Variants in USF1 observed in about 807,000 individuals in gnomAD.
The protein encoded by USF1 is upstream stimulatory factor 1.
A neutral mutation model predicts 46.3 loss-of-function variants in USF1; 22 were observed. The observed-to-expected ratio is 0.47, with a 90% CI of 0.34 to 0.68. USF1 has a LOEUF of 0.68. USF1 is among the 30% of genes least tolerant of loss of function. The pLI, the probability that USF1 is intolerant of heterozygous loss-of-function variation, is 0.01. For missense variants in USF1, 287 were observed against 399.3 expected, an observed-to-expected ratio of 0.72 and a Z score of 2.40; for synonymous variants, 150 against 147.0, an observed-to-expected ratio of 1.02 and a Z score of -0.15.
At chr1:161,041,880 A>G in intron 5 of USF1, 34 bp from the exon 6 acceptor site, 1 of 1,593,108 alleles carries the variant, frequency 6.3e-7, no homozygotes, top group Non-Finnish European at 8.6e-7. Context: ...GATTCTGGTA[A>G]CAGTCAAAAA....
intron 5 of USF1, 40 bp downstream of exon 5, chr1:161,042,076 T>C: frequency 6.4e-7 from 1 of 1,573,958 alleles, no homozygotes. Flanking sequence ...TCATCTTACT[T>C]CTCAGAACTC....
Position 161,040,214 on chromosome 1 carries a change from C to G in USF1, c.831G>C (p.Val277=), listed in dbSNP as rs762396920. ...GLDQLQLDND[V]LRQQVEDLKN... is the part of the protein sequence containing the mutation. ...GTAGGAGTCTGACCTGTTGTCGAAG[C>G]ACGTCATTGTCCAGCTGCAGTTGGT... The change falls in exon 10 of 11, where the codon GTG becomes GTC. Residue 277 remains valine, a synonymous_variant. Transcript: ENST00000368021. This position sits in a 1 kb window ranked among gnomAD's most constrained non-coding sequence, Gnocchi z 4.0. 2 of 1,614,028 alleles carry G rather than the reference C, an allele frequency of 1.2e-6. No individual in the cohort carries two copies. Among genetic ancestry groups the G allele is most frequent in the African/African-American group, 2.7e-5 (2 of 74,910 alleles).
In USF1 at chr1:161,045,975, G is replaced by A. The variant is rs1183745761; in HGVS notation, c.-203C>T. ...CCAGCCCGCGGCCATGTTGGTGAGG[G>A]GCGGAAGTGTCGCTCTCGCCCCGCC... On this transcript the variant is annotated 5_prime_UTR_variant, in exon 1 of 11. Coordinates refer to ENST00000368021, the MANE Select transcript of USF1 (RefSeq NM_007122.5). The A allele has an allele frequency of 6.6e-6, 1 of 152,282 alleles. No individual in the cohort carries two copies. Among genetic ancestry groups the A allele is most frequent in the Non-Finnish European group, 1.5e-5 (1 of 68,080 alleles). The allele number at this position is 152,282 out of a possible 1,614,324, so 9.4% of individuals were successfully genotyped here.
intron 2 of USF1, 96 bp from the exon 3 acceptor site, chr1:161,042,978 C>A (rs1650637355): frequency 7.8e-6 from 12 of 1,544,304 alleles, no homozygotes; most frequent in Admixed American, 5.0e-5. Flanking sequence ...CATTGGCATT[C>A]CCAACAGAAG....
intron 5 of USF1, 104 bp from the exon 6 acceptor site, chr1:161,041,950 A>C: frequency 2.2e-6 from 2 of 911,926 alleles, no homozygotes; most frequent in Non-Finnish European, 3.1e-6. Flanking sequence ...TAGGGTGGAG[A>C]GAGAGAGAGA....
intron 1 of USF1, among the ~76,000 whole-genome samples, chr1:161,044,132 G>A (rs1650698583): frequency 6.6e-6 from 1 of 151,870 alleles, no homozygotes; most frequent in African/African-American, 2.4e-5. Flanking sequence ...CAGTAGAGAT[G>A]GGGTTTTACC....
intron 1 of USF1, among the ~76,000 whole-genome samples, chr1:161,044,010 A>G (rs1650694126): frequency 2.1e-5 from 3 of 142,804 alleles, no homozygotes; most frequent in South Asian, 4.4e-4. Flanking sequence ...CAGTGGCACA[A>G]TCTCGGCTTA....
intron 1 of USF1, among the ~76,000 whole-genome samples, chr1:161,044,608 C>T (rs1650719751): frequency 1.3e-5 from 2 of 152,138 alleles, no homozygotes; most frequent in South Asian, 2.1e-4. Flanking sequence ...TTTTATTCAT[C>T]AAGCCTTCCT....
In USF1 at chr1:161,040,909, C is replaced by T; in HGVS notation, c.561-37G>A. The stretch of plus-strand genomic sequence containing the variant: ...GCCCAGGGTGGCCAGAGTAAGAAGA[C>T]AAAATACATGATTGAAGTTTGGGGT... On this transcript the variant is annotated intron_variant, in intron 7 of 10. Transcript: ENST00000368021. The surrounding 1 kb of genome is among the most constrained non-coding windows in gnomAD (Gnocchi z 4.0). The T allele has an allele frequency of 1.2e-6, 2 of 1,613,136 alleles. No homozygotes were observed. Among genetic ancestry groups the T allele is most frequent in the Non-Finnish European group, 1.7e-6 (2 of 1,179,560 alleles).
chr1:161,041,175 A>G, intron 7 of USF1, 149 bp downstream of exon 7: 1 of 743,032 alleles, frequency 1.3e-6, no homozygotes, highest in African/African-American at 1.8e-5. Flanking sequence ...GGCATGAGAA[A>G]CGCTTGAACC....
In USF1 at chr1:161,043,360, C is replaced by T; in HGVS notation, c.-85G>A. On this transcript the variant is annotated splice_region_variant and 5_prime_UTR_variant, in exon 2 of 11. Coordinates refer to ENST00000368021, the MANE Select transcript of USF1 (RefSeq NM_007122.5). ...TGATTCACAGGCCTGAGTGCTAAGT[C>T]CTGGTAGAAATCATGAAGTTTGCAA... is the stretch of plus-strand genomic sequence containing the variant. The T allele has an allele frequency of 6.2e-7, 1 of 1,604,972 alleles. No homozygotes were observed. The highest frequency in any genetic ancestry group is 8.5e-7 in the Non-Finnish European group (1 of 1,174,362).
chr1:161,039,905 C>G lies in USF1; in HGVS notation c.*15G>C. On this transcript the variant is annotated 3_prime_UTR_variant, in exon 11 of 11. Coordinates refer to ENST00000368021, the MANE Select transcript of USF1 (RefSeq NM_007122.5). ...ATCTGCAGTTCTTGGGCCCAAAGCC[C>G]CTGAATCCCCATAGTTAGTTGCTGT... 2 of 1,613,984 alleles carry G rather than the reference C, an allele frequency of 1.2e-6. No individual in the cohort carries two copies. Among genetic ancestry groups the G allele is most frequent in the Non-Finnish European group, 1.7e-6 (2 of 1,179,960 alleles).
chr1:161,042,635 C>G lies in USF1; in HGVS notation c.94G>C (p.Ala32Pro). 6.2e-7 allele frequency: 1 copy of G among 1,614,242 alleles called. No individual in the cohort carries two copies. Among genetic ancestry groups the G allele is most frequent in the East Asian group, 2.2e-5 (1 of 44,892 alleles). ...VATGEDPTSV[A>P]IASIQSAATF... is the part of the protein sequence containing the mutation. ...GCAGCTGACTGGATGCTGGCAATAG[C>G]CACACTGGTTGGGTCTTCCCCAGTA... The change falls in exon 4 of 11, where the codon GCT becomes CCT. Residue 32 changes from alanine (A) to proline (P), a missense_variant. Physicochemically the swap from Ala to Pro is conservative, Grantham distance 27. Transcript: ENST00000368021.
rs1303051232 is a variant in USF1, at chr1:161,041,857, G to A, written c.277-11C>T. Reference sequence around the variant, plus strand: ...ACCCTGGATCACCGCCTGGGAAGGGGAGCAAGAAAACTGATTCTGGTAACA... The same window carrying A: ...ACCCTGGATCACCGCCTGGGAAGGGAAGCAAGAAAACTGATTCTGGTAACA... On this transcript the variant is annotated splice_polypyrimidine_tract_variant and intron_variant, in intron 5 of 10. Coordinates refer to ENST00000368021, the MANE Select transcript of USF1 (RefSeq NM_007122.5). 6.9e-6 allele frequency: 11 copies of A among 1,604,882 alleles called. No individual in the cohort carries two copies. Among genetic ancestry groups the A allele is most frequent in the East Asian group, 6.7e-5 (3 of 44,624 alleles).
intron 6 of USF1, 61 bp from the exon 7 acceptor site, chr1:161,041,472 G>A: frequency 6.4e-7 from 1 of 1,563,308 alleles, no homozygotes; most frequent in Admixed American, 1.8e-5. Context: ...AAGCCCTGAG[G>A]TGAAGACCCT....
Position 161,040,906 on chromosome 1 carries a change from A to G in USF1, c.561-34T>C. ...AGAGCCCAGGGTGGCCAGAGTAAGA[A>G]GACAAAATACATGATTGAAGTTTGG... On this transcript the variant is annotated intron_variant, in intron 7 of 10. Transcript: ENST00000368021. The surrounding 1 kb of genome is among the most constrained non-coding windows in gnomAD (Gnocchi z 4.0). 1 of 1,613,676 alleles carries G rather than the reference A, an allele frequency of 6.2e-7. No individual in the cohort carries two copies. Among genetic ancestry groups the G allele is most frequent in the South Asian group, 1.1e-5 (1 of 91,050 alleles).
In USF1 at chr1:161,039,765, C is replaced by T. The variant is rs1265985438; in HGVS notation, c.*155G>A. ...TTGTGTGTTTCACACCACTGCAGGCCGCCATATCACAGGGCCTCAGTTCAA... is the reference window on the plus strand; with the variant it reads ...TTGTGTGTTTCACACCACTGCAGGCTGCCATATCACAGGGCCTCAGTTCAA... On this transcript the variant is annotated 3_prime_UTR_variant, in exon 11 of 11. Coordinates refer to ENST00000368021, the MANE Select transcript of USF1 (RefSeq NM_007122.5). 3 of 726,360 alleles carry T rather than the reference C, an allele frequency of 4.1e-6. No individual in the cohort carries two copies. The highest frequency in any genetic ancestry group is 4.5e-6 in the Non-Finnish European group (2 of 443,668). 45.0% of individuals were successfully genotyped at this position (726,360 alleles called of 1,614,324 possible). A position where few individuals can be genotyped will look rare whatever the true frequency, so the allele number is the denominator to read the frequency against.
chr1:161,042,586 T>G lies in USF1; in HGVS notation c.143A>C (p.Lys48Thr). Residue 48 changes from lysine (K) to threonine (T), a missense_variant, in exon 4 of 11, where the codon AAG becomes ACG. Coordinates refer to ENST00000368021, the MANE Select transcript of USF1 (RefSeq NM_007122.5). The stretch of plus-strand genomic sequence containing the variant: ...CCCATTCTCAGTTCGGAAGACGTAC[T>G]TGACGTTGGGGTCAGGGAAGGTGGC... ...SAATFPDPNV[K>T]YVFRTENGGQ... 1 of 1,614,248 alleles carries G rather than the reference T, an allele frequency of 6.2e-7. No homozygotes were observed. The highest frequency in any genetic ancestry group is 8.5e-7 in the Non-Finnish European group (1 of 1,180,038).
In USF1 at chr1:161,042,238, AGAGG is replaced by A. The variant is rs771248556; in HGVS notation, c.175-25_175-22del. On this transcript the variant is annotated intron_variant, in intron 4 of 10. Coordinates refer to ENST00000368021, the MANE Select transcript of USF1 (RefSeq NM_007122.5). The stretch of plus-strand genomic sequence containing the variant: ...ATCACCTAGAAGTGTAGAGGAAGGC[AGAGG>A]GAGTGAAGAGAGAAGAAAAGATTAA... The A allele has an allele frequency of 2.5e-6, 4 of 1,599,664 alleles. No homozygotes were observed. In the South Asian group the frequency reaches 4.5e-5, roughly 18 times the overall value.
Sources: gnomAD v4.1 joint callset for allele counts (sites outside exome capture counted in the v4.1 genomes callset) on GRCh38, gnomAD v4.1.1 for gene constraint, Gnocchi (gnomAD v3.1) non-coding constraint, MANE v1.5 for transcripts, NCBI Gene and HGNC (gene_info 2026-07-23, HGNC 2026-07-21) for gene names.